Variants in EZH1 observed in about 807,000 individuals in gnomAD.
The protein encoded by EZH1 is enhancer of zeste 1 polycomb repressive complex 2 subunit.
A neutral mutation model predicts 100.5 loss-of-function variants in EZH1; 33 were observed. That is an observed-to-expected ratio of 0.33 (90% CI 0.25 to 0.44). The LOEUF is 0.44. Among genes scored for constraint, EZH1 ranks in the 20% least tolerant of loss-of-function variants. The probability of loss-of-function intolerance (pLI) is 1.00; values close to 1 mark genes in which losing one functional copy is unlikely to be tolerated. For synonymous variants in EZH1, 272 were observed against 313.8 expected (o/e 0.87, Z 1.41); for missense variants, 475 against 928.4 (o/e 0.51, Z 6.35).
In EZH1 at chr17:42,701,491, C is replaced by CA. The variant is rs2143694765; in HGVS notation, c.*1040dup. ...CATATTCTAACTCACCCTTTCCAAA[C>CA]AGCAGGCACTACAGACAGGAAAGCA... is the stretch of plus-strand genomic sequence containing the variant. On this transcript the variant is annotated 3_prime_UTR_variant, in exon 21 of 21. Coordinates refer to ENST00000428826, the MANE Select transcript of EZH1 (RefSeq NM_001991.5). The CA allele has an allele frequency of 6.5e-6, 1 of 153,020 alleles. No individual in the cohort carries two copies. The highest frequency in any genetic ancestry group is 2.4e-5 in the African/African-American group (1 of 41,584). 9.5% of individuals were successfully genotyped at this position (153,020 alleles called of 1,614,324 possible).
chr17:42,715,759 A>C (rs972151196), intron 10 of EZH1, among the ~76,000 whole-genome samples: 1 of 152,148 alleles, frequency 6.6e-6, no homozygotes, highest in Non-Finnish European at 1.5e-5. Context: ...GAGTAAAAAG[A>C]CATAACAAGG....
At chr17:42,742,724 A>T (rs1001128195) in intron 1 of EZH1, among the ~76,000 whole-genome samples, 1 of 152,210 alleles carries the variant, frequency 6.6e-6, no homozygotes, top group Non-Finnish European at 1.5e-5. Context: ...CAATGAATAA[A>T]ACATATATCC....
At chr17:42,729,431 C>CA (rs1408903764) in intron 2 of EZH1, among the ~76,000 whole-genome samples, 3 of 151,732 alleles carry the variant, frequency 2.0e-5, no homozygotes, top group East Asian at 1.9e-4. Context: ...AACAAAAAAA[C>CA]AAAAAACAAC....
chr17:42,718,023 T>C lies in EZH1; in HGVS notation c.976A>G (p.Ile326Val). The C allele has an allele frequency of 1.2e-6, 2 of 1,614,232 alleles. No individual in the cohort carries two copies. The highest frequency in any genetic ancestry group is 1.7e-6 in the Non-Finnish European group (2 of 1,180,042). The change falls in exon 10 of 21, where the codon ATC becomes GTC. Residue 326 changes from isoleucine (I) to valine (V), a missense_variant. Around this residue, in one of 8 missense-constraint regions of EZH1, gnomAD observed 180 missense variants for 295.3 expected, o/e 0.61. Coordinates refer to ENST00000428826, the MANE Select transcript of EZH1 (RefSeq NM_001991.5). The surrounding 1 kb of genome is among the most constrained non-coding windows in gnomAD (Gnocchi z 4.2). ...PNVYKRKNKE[I>V]KIEPEPCGTD... ...CCACATGGTTCTGGTTCAATCTTGA[T>C]TTCTTTATTCTTGCGTTTATATACA...
chr17:42,716,874 T>C (rs564970382), intron 10 of EZH1, among the ~76,000 whole-genome samples: 1 of 152,214 alleles, frequency 6.6e-6, no homozygotes, highest in Non-Finnish European at 1.5e-5. Flanking sequence ...AATTTTGTAT[T>C]TTCAGTAGAG....
chr17:42,727,494 C>T, intron 4 of EZH1, 141 bp downstream of exon 4: 2 of 1,009,364 alleles, frequency 2.0e-6, no homozygotes, highest in Non-Finnish European at 2.8e-6. Flanking sequence ...TTTCCCACCT[C>T]AGCCTCCCAA....
intron 10 of EZH1, among the ~76,000 whole-genome samples, chr17:42,714,921 A>G (rs981113740): frequency 7.2e-6 from 1 of 138,522 alleles, no homozygotes; most frequent in African/African-American, 2.6e-5. Context: ...ATAATTATAT[A>G]ATTTATATAA....
At chr17:42,723,478 A>G (rs928304821) in intron 5 of EZH1, among the ~76,000 whole-genome samples, 8 of 152,198 alleles carry the variant, frequency 5.3e-5, no homozygotes, top group Non-Finnish European at 8.8e-5. Context: ...CTGGGCAATC[A>G]TAAGACATGG....
chr17:42,719,160 T>C lies in EZH1; in HGVS notation c.712A>G (p.Ser238Gly). Residue 238 changes from serine to glycine, a missense_variant, in exon 8 of 21, where the codon AGT becomes GGT. Ser to Gly is a moderately conservative substitution (Grantham distance 56). Around this residue, in one of 8 missense-constraint regions of EZH1, gnomAD observed 180 missense variants for 295.3 expected, o/e 0.61. Transcript: ENST00000428826. ...TCAGGGAACATTGAGGCAATTGCACTGAAGATCATGTCATTTGGGAACTGT... is the reference window on the plus strand; with the variant it reads ...TCAGGGAACATTGAGGCAATTGCACCGAAGATCATGTCATTTGGGAACTGT... ...KKQFPNDMIF[S>G]AIASMFPENG... The C allele has an allele frequency of 6.2e-7, 1 of 1,614,036 alleles. No homozygotes were observed. Among genetic ancestry groups the C allele is most frequent in the Non-Finnish European group, 8.5e-7 (1 of 1,179,956 alleles).
chr17:42,726,689 C>CTAT (rs1337823802), intron 4 of EZH1, among the ~76,000 whole-genome samples: 1 of 150,820 alleles, frequency 6.6e-6, no homozygotes, highest in Non-Finnish European at 1.5e-5. Context: ...TTTTTTTGTA[C>CTAT]TATTAGTAGA....
At chr17:42,731,793 G>C (rs1029471329) in intron 1 of EZH1, 1 of 151,978 alleles carries the variant, frequency 6.6e-6, no homozygotes, top group African/African-American at 2.4e-5. Flanking sequence ...CCAGCTACTC[G>C]GGAGGCTGAG....
At chr17:42,739,851 T>C (rs2143893937) in intron 1 of EZH1, among the ~76,000 whole-genome samples, 1 of 151,870 alleles carries the variant, frequency 6.6e-6, no homozygotes, top group Non-Finnish European at 1.5e-5. Context: ...TGGCGCGATC[T>C]TGGCTCACTG....
chr17:42,717,584 C>G (rs187767076), intron 10 of EZH1, among the ~76,000 whole-genome samples: 1 of 152,266 alleles, frequency 6.6e-6, no homozygotes, highest in Admixed American at 6.5e-5. Flanking sequence ...TTGATCACAA[C>G]AAGACATCAG....
chr17:42,723,306 C>T (rs1195343993), intron 5 of EZH1, among the ~76,000 whole-genome samples: 1 of 150,850 alleles, frequency 6.6e-6, no homozygotes, highest in Non-Finnish European at 1.5e-5. Context: ...ACCTGGGAGG[C>T]AGAGGTTGCA....
At chr17:42,724,058 CAA>C (rs775595321) in intron 5 of EZH1, among the ~76,000 whole-genome samples, 1 of 152,132 alleles carries the variant, frequency 6.6e-6, no homozygotes, top group Non-Finnish European at 1.5e-5. Flanking sequence ...AAATCTTGCC[CAA>C]TATTATTCAT....
chr17:42,710,273 C>T lies in EZH1; in HGVS notation c.1402-336G>A, dbSNP rs186376288. 5.0e-3 allele frequency among the ~76,000 whole-genome samples: 759 copies of T among 152,244 alleles called. 8 individuals are homozygous for T. The highest frequency in any genetic ancestry group is 0.017 in the African/African-American group (693 of 41,536). The stretch of plus-strand genomic sequence containing the variant: ...ATCTTCTTCTTTTTAGGAAGGGCAA[C>T]GCTGTGCCTTGTGTAACTGAGTGTA... On this transcript the variant is annotated intron_variant, in intron 12 of 20. Coordinates refer to ENST00000428826, the MANE Select transcript of EZH1 (RefSeq NM_001991.5).
At chr17:42,728,420 C>T (rs1244191921) in intron 3 of EZH1, among the ~76,000 whole-genome samples, 6 of 149,166 alleles carry the variant, frequency 4.0e-5, no homozygotes, top group African/African-American at 7.3e-5. Context: ...GGCCCTGTTA[C>T]GATTTCAAAA....
intron 1 of EZH1, 36 bp downstream of exon 1, chr17:42,744,975 C>A: frequency 7.9e-7 from 1 of 1,259,598 alleles, no homozygotes; most frequent in Non-Finnish European, 1.0e-6. Flanking sequence ...GGAGGCCCGG[C>A]CCCACCGCCC....
chr17:42,736,837 C>T (rs977868648), intron 1 of EZH1, among the ~76,000 whole-genome samples: 5 of 151,520 alleles, frequency 3.3e-5, no homozygotes, highest in African/African-American at 4.9e-5. Flanking sequence ...GGGAACAGAG[C>T]GAGACTCTGC....
Sources: gnomAD v4.1 joint callset for allele counts (sites outside exome capture counted in the v4.1 genomes callset) on GRCh38, gnomAD v4.1.1 for gene constraint, gnomAD v4.1.1 regional missense constraint, Gnocchi (gnomAD v3.1) non-coding constraint, MANE v1.5 for transcripts, NCBI Gene and HGNC (gene_info 2026-07-23, HGNC 2026-07-21) for gene names.